Variants in SGMS1 observed in about 807,000 individuals in gnomAD.
The protein encoded by SGMS1 is phosphatidylcholine:ceramide cholinephosphotransferase 1.
SGMS1 carries 13 observed loss-of-function variants against 46.2 expected under a neutral mutation model. The ratio of observed to expected loss-of-function variants is 0.28; its 90% confidence interval spans 0.18 to 0.45. The LOEUF (loss-of-function observed/expected upper bound fraction) is 0.45. SGMS1 is among the 20% of genes least tolerant of loss of function. The probability of loss-of-function intolerance (pLI) is 1.00; values close to 1 mark genes in which losing one functional copy is unlikely to be tolerated. For missense variants in SGMS1, 324 were observed against 519.9 expected (o/e 0.62, Z 3.66); for synonymous variants, 203 against 187.8 (o/e 1.08, Z -0.66).
At chr10:50,596,880 TAA>T (rs1368960148) in intron 1 of SGMS1, among the ~76,000 whole-genome samples, 1 of 152,180 alleles carries the variant, frequency 6.6e-6, no homozygotes, top group Non-Finnish European at 1.5e-5. Flanking sequence ...CTGACTTGCT[TAA>T]AGTCAGTGAC....
At chr10:50,364,649 G>A (rs1054406874) in intron 6 of SGMS1, among the ~76,000 whole-genome samples, 4 of 152,198 alleles carry the variant, frequency 2.6e-5, no homozygotes. Context: ...TAACACTAAA[G>A]AAGTGATGAG....
intron 6 of SGMS1, among the ~76,000 whole-genome samples, chr10:50,346,675 G>C (rs1344118948): frequency 1.3e-5 from 2 of 151,886 alleles, no homozygotes; most frequent in East Asian, 3.9e-4. Context: ...TTTTCCTATA[G>C]GACTCATCTC....
chr10:50,565,155 C>G (rs529919093), intron 2 of SGMS1, among the ~76,000 whole-genome samples: 2 of 152,130 alleles, frequency 1.3e-5, no homozygotes, highest in Non-Finnish European at 2.9e-5. Flanking sequence ...TCATTGCCTA[C>G]CTTTCTTTCT....
intron 8 of SGMS1, among the ~76,000 whole-genome samples, chr10:50,316,036 G>C (rs1179699514): frequency 2.0e-5 from 3 of 152,192 alleles, no homozygotes; most frequent in African/African-American, 7.2e-5. Context: ...AGGTTTCCCA[G>C]TATTTTTTCA....
chr10:50,417,787 T>A (rs1849195102), intron 6 of SGMS1, among the ~76,000 whole-genome samples: 1 of 152,130 alleles, frequency 6.6e-6, no homozygotes, highest in Non-Finnish European at 1.5e-5. Flanking sequence ...CCCCTACCCT[T>A]GGTTCTCATG....
chr10:50,622,026 G>A (rs1838856317), intron 1 of SGMS1, among the ~76,000 whole-genome samples: 1 of 152,222 alleles, frequency 6.6e-6, no homozygotes, highest in Non-Finnish European at 1.5e-5. Context: ...AGCTGCCACA[G>A]GCAGAAGGCA....
intron 2 of SGMS1, among the ~76,000 whole-genome samples, chr10:50,529,772 G>T (rs113024380): frequency 1.1e-4 from 17 of 152,212 alleles, no homozygotes; most frequent in African/African-American, 4.1e-4. Flanking sequence ...GAAGAACAAG[G>T]CTGGGCCAAC....
intron 6 of SGMS1, among the ~76,000 whole-genome samples, chr10:50,356,997 C>A (rs1848163798): frequency 6.6e-6 from 1 of 151,578 alleles, no homozygotes; most frequent in South Asian, 2.1e-4. Flanking sequence ...CAGCATGCAG[C>A]ACACCAACAT....
intron 6 of SGMS1, among the ~76,000 whole-genome samples, chr10:50,381,481 T>G (rs990396402): frequency 6.6e-6 from 1 of 152,134 alleles, no homozygotes; most frequent in African/African-American, 2.4e-5. Context: ...AAAAATCCTT[T>G]CGTGAATTTT....
At chr10:50,624,861 C>A (rs1838905609), upstream of SGMS1, 2 of 994,726 alleles carry the variant, frequency 2.0e-6, no homozygotes, top group Non-Finnish European at 2.4e-6. Context: ...GGCCGTGCCT[C>A]CCGCGGGGTC....
At chr10:50,316,888 C>G (rs1364372696) in intron 8 of SGMS1, among the ~76,000 whole-genome samples, 3 of 152,192 alleles carry the variant, frequency 2.0e-5, no homozygotes, top group African/African-American at 7.2e-5. Context: ...TGGCCCAAAA[C>G]AGCAAAACTA....
intron 2 of SGMS1, among the ~76,000 whole-genome samples, chr10:50,565,794 T>C (rs546180156): frequency 6.6e-6 from 1 of 152,300 alleles, no homozygotes; most frequent in African/African-American, 2.4e-5. Context: ...TCATCAGGGA[T>C]GCTGAGAAGG....
chr10:50,343,232 A>T, intron 7 of SGMS1: 1 of 335,714 alleles, frequency 3.0e-6, no homozygotes, highest in Non-Finnish European at 5.4e-6. Context: ...TTTCTTTCTT[A>T]TTAAGTGAAA....
chr10:50,320,786 C>T (rs1183245903), intron 8 of SGMS1, among the ~76,000 whole-genome samples: 1 of 152,248 alleles, frequency 6.6e-6, no homozygotes, highest in African/African-American at 2.4e-5. Flanking sequence ...ACTTGGCAAA[C>T]TCCTATTCCT....
chr10:50,601,073 T>G (rs1161555215), intron 1 of SGMS1, among the ~76,000 whole-genome samples: 1 of 152,196 alleles, frequency 6.6e-6, no homozygotes, highest in Non-Finnish European at 1.5e-5. Context: ...GAAAGAGGAC[T>G]GTGACTACAG....
At chr10:50,456,072 G>A (rs922822530) in intron 5 of SGMS1, among the ~76,000 whole-genome samples, 4 of 152,128 alleles carry the variant, frequency 2.6e-5, no homozygotes, top group Admixed American at 1.3e-4. Context: ...AGAATTACAA[G>A]CATAATGGAA....
chr10:50,574,826 C>A (rs1838365968), intron 2 of SGMS1, among the ~76,000 whole-genome samples: 2 of 151,790 alleles, frequency 1.3e-5, no homozygotes, highest in South Asian at 4.1e-4. Flanking sequence ...ACAAATGTTT[C>A]CGATGATGAA....
intron 9 of SGMS1, among the ~76,000 whole-genome samples, chr10:50,309,786 A>T (rs1385525639): frequency 6.6e-6 from 1 of 152,156 alleles, no homozygotes; most frequent in Non-Finnish European, 1.5e-5. Flanking sequence ...TAGTTTTTCA[A>T]GAACAAAACT....
At chr10:50,408,466 A>C (rs1366722840) in intron 6 of SGMS1, among the ~76,000 whole-genome samples, 69 of 151,102 alleles carry the variant, frequency 4.6e-4, no homozygotes, top group Non-Finnish European at 8.3e-4. Flanking sequence ...CAAAATAAAA[A>C]CTTTTTTTAA....
Sources: allele counts gnomAD v4.1 joint callset (sites outside exome capture counted in the v4.1 genomes callset), GRCh38; gene constraint gnomAD v4.1.1; transcripts MANE v1.5; gene names NCBI Gene and HGNC (gene_info 2026-07-23, HGNC 2026-07-21).